DIAPH2: variants seen among roughly 807,000 people sequenced by gnomAD.
DIAPH2 encodes the protein protein diaphanous homolog 2.
Under a neutral mutation model 92.7 loss-of-function variants are expected in DIAPH2, and 35 were observed. That is an observed-to-expected ratio of 0.38 (90% CI 0.29 to 0.50). The LOEUF is 0.50. Among genes scored for constraint, DIAPH2 ranks in the 20% least tolerant of loss-of-function variants. DIAPH2 has a pLI of 0.94. For missense variants in DIAPH2, 701 were observed against 819.5 expected (o/e 0.86, Z 1.77); for synonymous variants, 301 against 280.4 (o/e 1.07, Z -0.73).
chrX:97,529,399 T>C (rs1877470427), intron 26 of DIAPH2, among the ~76,000 whole-genome samples: 1 of 112,057 alleles, frequency 8.9e-6, no homozygotes, highest in South Asian at 3.7e-4. Context: ...CTCTTTGCTG[T>C]TTACCAGCTG....
At position 97,473,323 on chromosome X, in the gene DIAPH2, A is replaced by C. The variant is rs770901154; in HGVS notation, c.3241+43578A>C. On this transcript the variant is annotated intron_variant, in intron 26 of 26. Coordinates refer to ENST00000324765, the MANE Select transcript of DIAPH2 (RefSeq NM_006729.5). ...AAAACCTAAGAATATTTCTTTTTTA[A>C]AAAATTAATTAATTAATTAATTTAT... is the stretch of plus-strand genomic sequence containing the variant. Among the ~76,000 whole-genome samples, 3 of 111,415 alleles carry C rather than the reference A, an allele frequency of 2.7e-5. No homozygotes were observed. In the South Asian group the frequency reaches 1.1e-3, roughly 42 times the overall value.
chrX:97,041,464 T>C (rs2066447874), intron 17 of DIAPH2, among the ~76,000 whole-genome samples: 1 of 111,428 alleles, frequency 9.0e-6, no homozygotes, highest in Non-Finnish European at 1.9e-5. Context: ...CTCTTCCCTA[T>C]TTTTTGTTTG....
At chrX:97,285,163 G>T (rs2147604912) in intron 23 of DIAPH2, among the ~76,000 whole-genome samples, 1 of 110,977 alleles carries the variant, frequency 9.0e-6, no homozygotes, top group Admixed American at 9.7e-5. Context: ...TTATTTGAAT[G>T]AATTATTCCC....
At chrX:97,550,363 T>C (rs2147862664) in intron 26 of DIAPH2, among the ~76,000 whole-genome samples, 1 of 112,006 alleles carries the variant, frequency 8.9e-6, no homozygotes, top group South Asian at 3.7e-4. Context: ...CTGTCTCAAA[T>C]AAATAAATAA....
chrX:97,020,454 C>T (rs942204681), intron 17 of DIAPH2, among the ~76,000 whole-genome samples: 2 of 111,848 alleles, frequency 1.8e-5, no homozygotes, highest in African/African-American at 3.2e-5. Flanking sequence ...CGGATAGTAC[C>T]GAACTCTGTA....
At chrX:97,221,924 G>A (rs1387143896) in intron 22 of DIAPH2, among the ~76,000 whole-genome samples, 2 of 110,162 alleles carry the variant, frequency 1.8e-5, no homozygotes, top group East Asian at 2.8e-4. Context: ...GGTATTAAAT[G>A]TCTGTCTCTT....
intron 23 of DIAPH2, among the ~76,000 whole-genome samples, chrX:97,249,523 A>G (rs1200377836): frequency 8.9e-6 from 1 of 111,968 alleles, no homozygotes; most frequent in African/African-American, 3.2e-5. Flanking sequence ...AATACACAGC[A>G]ATTTATTTCA....
intron 4 of DIAPH2, among the ~76,000 whole-genome samples, chrX:96,843,266 G>A (rs2064949047): frequency 9.0e-6 from 1 of 111,653 alleles, no homozygotes; most frequent in Non-Finnish European, 1.9e-5. Context: ...AGCTTCCAGA[G>A]GCCTCCCAGA....
chrX:97,452,268 TTAC>T (rs1404537274), intron 26 of DIAPH2, among the ~76,000 whole-genome samples: 1 of 111,812 alleles, frequency 8.9e-6, no homozygotes, highest in Non-Finnish European at 1.9e-5. Flanking sequence ...GAAGTGTTCA[TTAC>T]TAGAGACAAA....
chrX:96,812,300 A>T (rs904913823), intron 4 of DIAPH2, among the ~76,000 whole-genome samples: 1 of 111,838 alleles, frequency 8.9e-6, no homozygotes, highest in Admixed American at 9.4e-5. Flanking sequence ...TTTCTAGTTT[A>T]TTTGCATAGA....
At chrX:96,749,183 C>A (rs2064171610) in intron 3 of DIAPH2, among the ~76,000 whole-genome samples, 1 of 100,199 alleles carries the variant, frequency 1.0e-5, no homozygotes, top group Non-Finnish European at 2.0e-5. Flanking sequence ...AGTAAGTAGC[C>A]CTAATATATT....
intron 23 of DIAPH2, among the ~76,000 whole-genome samples, chrX:97,282,993 G>A: frequency 9.0e-6 from 1 of 111,460 alleles, no homozygotes; most frequent in African/African-American, 3.3e-5. Context: ...ATAATTGGAT[G>A]TTAGACATAG....
intron 24 of DIAPH2, among the ~76,000 whole-genome samples, chrX:97,373,821 C>CA (rs1483668191): frequency 9.1e-6 from 1 of 109,294 alleles, no homozygotes; most frequent in Non-Finnish European, 1.9e-5. Flanking sequence ...GGTCAGGTTT[C>CA]AAACCCCTGA....
intron 23 of DIAPH2, among the ~76,000 whole-genome samples, chrX:97,255,695 A>G (rs1182520823): frequency 2.7e-5 from 3 of 112,101 alleles, no homozygotes; most frequent in East Asian, 5.5e-4. Context: ...GGAGTCTAAC[A>G]TGTTTCAAAT....
At chrX:97,118,962 C>CT (rs1006105463) in intron 21 of DIAPH2, among the ~76,000 whole-genome samples, 1 of 111,904 alleles carries the variant, frequency 8.9e-6, no homozygotes, top group Non-Finnish European at 1.9e-5. Context: ...CTTCTTGTAT[C>CT]TTTTTTTGGA....
At chrX:97,118,157 A>C (rs886319190) in intron 21 of DIAPH2, among the ~76,000 whole-genome samples, 1 of 112,061 alleles carries the variant, frequency 8.9e-6, no homozygotes, top group Non-Finnish European at 1.9e-5. Flanking sequence ...TAACTAAGCC[A>C]GAAACTGAGG....
At chrX:96,941,951 T>A (rs1451246379) in intron 12 of DIAPH2, 67 bp from the exon 13 acceptor site, 1 of 613,339 alleles carries the variant, frequency 1.6e-6, no homozygotes, top group Non-Finnish European at 2.7e-6. Context: ...ATATGTTGAA[T>A]GTTTTCTAAA....
chrX:97,234,883 A>G (rs760453538), intron 22 of DIAPH2, among the ~76,000 whole-genome samples: 9 of 112,277 alleles, frequency 8.0e-5, no homozygotes, highest in Non-Finnish European at 1.9e-5. Flanking sequence ...AGGAACTTCT[A>G]TATTGAAGAC....
chrX:96,807,941 T>A (rs1285538477), intron 4 of DIAPH2, among the ~76,000 whole-genome samples: 1 of 11,402 alleles, frequency 8.8e-5, no homozygotes, highest in African/African-American at 4.0e-4. Context: ...ATTGTAGAAA[T>A]AGCAAAAAAA....
Sources: allele counts gnomAD v4.1 joint callset (sites outside exome capture counted in the v4.1 genomes callset), GRCh38; gene constraint gnomAD v4.1.1; transcripts MANE v1.5; gene names NCBI Gene and HGNC (gene_info 2026-07-23, HGNC 2026-07-21).